PLK2: variants seen among roughly 807,000 people sequenced by gnomAD.
PLK2 encodes serine/threonine-protein kinase PLK2.
A neutral mutation model predicts 78.1 loss-of-function variants in PLK2; 25 were observed. That is an observed-to-expected ratio of 0.32 (90% CI 0.23 to 0.45). The LOEUF is 0.45. PLK2 is among the 20% of genes least tolerant of loss of function. The probability of loss-of-function intolerance (pLI) is 1.00; values close to 1 mark genes in which losing one functional copy is unlikely to be tolerated. For synonymous variants in PLK2, 332 were observed against 298.2 expected (o/e 1.11, Z -1.17); for missense variants, 566 against 840.2 (o/e 0.67, Z 4.04).
intron 12 of PLK2, 54 bp downstream of exon 12, chr5:58,455,231 A>C: frequency 6.3e-7 from 1 of 1,590,254 alleles, no homozygotes; most frequent in Non-Finnish European, 8.6e-7. Context: ...TGCAGACACT[A>C]CTGCTTTGTG....
Position 58,455,285 on chromosome 5 carries a change from A to C in PLK2, c.1755T>G (p.Asp585Glu), listed in dbSNP as rs1363364874. The part of the protein sequence containing the change: ...FSHYMEENLM[D>E]GGDLPSVTDI... Reference sequence around the variant, plus strand: ...ACCACTCTAAAGCCACAGTACTTACATCCATGAGGTTCTCCTCCATGTAAT... The same window carrying C: ...ACCACTCTAAAGCCACAGTACTTACCTCCATGAGGTTCTCCTCCATGTAAT... The change falls in exon 12 of 14, where the codon GAT (aspartate) becomes GAG (glutamate). Residue 585 changes from aspartate (D) to glutamate (E), a missense_variant and splice_region_variant. Around this residue, in one of 5 missense-constraint regions of PLK2, gnomAD observed 130 missense variants for 196.4 expected, o/e 0.66. Transcript: ENST00000274289. The C allele has an allele frequency of 1.2e-6, 2 of 1,613,872 alleles. No homozygotes were observed. Among genetic ancestry groups the C allele is most frequent in the Non-Finnish European group, 1.7e-6 (2 of 1,179,944 alleles).
At chr5:58,455,928 GTT>G (rs2111706978) in intron 10 of PLK2, 96 bp downstream of exon 10, 1 of 1,479,704 alleles carries the variant, frequency 6.8e-7, no homozygotes, top group South Asian at 1.3e-5. Flanking sequence ...CTACTTCTAT[GTT>G]AAATTAAGCT....
intron 3 of PLK2, 36 bp downstream of exon 3, chr5:58,458,689 G>A: frequency 7.8e-7 from 1 of 1,280,076 alleles, no homozygotes; most frequent in Non-Finnish European, 1.1e-6. Context: ...TTAATTCGGG[G>A]TAAGCAAATG....
At position 58,457,386 on chromosome 5, in the gene PLK2, G is replaced by A. The variant is rs766216327; in HGVS notation, c.810-7C>T. On this transcript the variant is annotated splice_region_variant and splice_polypyrimidine_tract_variant and intron_variant, in intron 6 of 13. Coordinates refer to ENST00000274289, the MANE Select transcript of PLK2 (RefSeq NM_006622.4). ...CCCTAGTAACATTGTATACCTGTGT[G>A]CAAAGAAACACATCTTTAGCAATGG... 2 of 1,603,630 alleles carry A rather than the reference G, an allele frequency of 1.2e-6. No individual in the cohort carries two copies. Among genetic ancestry groups the A allele is most frequent in the African/African-American group, 1.3e-5 (1 of 74,670 alleles).
Position 58,456,099 on chromosome 5 carries a change from G to A in PLK2, c.1311C>T (p.Asn437=). The A allele has an allele frequency of 6.2e-7, 1 of 1,613,958 alleles. No individual in the cohort carries two copies. The highest frequency in any genetic ancestry group is 2.2e-5 in the East Asian group (1 of 44,860). The part of the protein sequence containing the change: ...VARSGTPAVE[N]KQQIGDAIRM... The stretch of plus-strand genomic sequence containing the variant: ...GAATAGCATCCCCAATCTGCTGCTT[G>A]TTTTCTACTGCGGGTGTTCCAGACC... Residue 437 remains asparagine (N), a synonymous_variant, in exon 10 of 14, where the codon AAC becomes AAT. Transcript: ENST00000274289.
intron 10 of PLK2, 114 bp from the exon 11 acceptor site, chr5:58,455,893 T>C: frequency 6.7e-7 from 1 of 1,484,374 alleles, no homozygotes; most frequent in Admixed American, 1.9e-5. Flanking sequence ...GAACTCAAGA[T>C]TATTTTCCAA....
chr5:58,458,186 A>C lies in PLK2; in HGVS notation c.626-15T>G, dbSNP rs2111712459. On this transcript the variant is annotated splice_polypyrimidine_tract_variant and intron_variant, in intron 4 of 13. Transcript: ENST00000274289. Reference sequence around the variant, plus strand: ...AAAAAAGTTCCCTAGACGATAAACAAAACAAAATGTGAATCCCTTTGAAAA... The same window carrying C: ...AAAAAAGTTCCCTAGACGATAAACACAACAAAATGTGAATCCCTTTGAAAA... 2.6e-6 allele frequency: 4 copies of C among 1,550,596 alleles called. No individual in the cohort carries two copies. In the East Asian group the frequency reaches 9.0e-5, roughly 35 times the overall value.
In PLK2 at chr5:58,454,176, C is replaced by T. The variant is rs1021581181; in HGVS notation, c.*407G>A. 4.0e-4 allele frequency: 64 copies of T among 159,940 alleles called. No individual in the cohort carries two copies. Among genetic ancestry groups the T allele is most frequent in the East Asian group, 1.8e-4 (1 of 5,474 alleles). 9.9% of individuals were successfully genotyped at this position (159,940 alleles called of 1,614,324 possible). A position where few individuals can be genotyped will look rare whatever the true frequency, so the allele number is the denominator to read the frequency against. The stretch of plus-strand genomic sequence containing the variant: ...TATATATGGCCATAGTTCACAGTTA[C>T]GCAGCCAAAAGCTGCTCCAATTACA... On this transcript the variant is annotated 3_prime_UTR_variant, in exon 14 of 14. Coordinates refer to ENST00000274289, the MANE Select transcript of PLK2 (RefSeq NM_006622.4).
In PLK2 at chr5:58,457,785, G is replaced by A. The variant is rs1298309292; in HGVS notation, c.714-202C>T. On this transcript the variant is annotated intron_variant, in intron 5 of 13. Transcript: ENST00000274289. ...ATGAGTTTTGGTAATTTTTAAAAAT[G>A]CACACACGTTGTTTTAGCCCACATG... 8.4e-6 allele frequency: 5 copies of A among 592,682 alleles called. No individual in the cohort carries two copies. The East Asian group carries it at 1.1e-4, about 13-fold the overall frequency. 36.7% of individuals were successfully genotyped at this position (592,682 alleles called of 1,614,324 possible). A position where few individuals can be genotyped will look rare whatever the true frequency, so the allele number is the denominator to read the frequency against.
intron 9 of PLK2, 121 bp from the exon 10 acceptor site, chr5:58,456,276 C>CA (rs1743600943): frequency 2.1e-6 from 2 of 968,770 alleles, no homozygotes; most frequent in East Asian, 5.0e-5. Flanking sequence ...GCAATGGACA[C>CA]AAGCCAGATA....
At chr5:58,459,498 A>C (rs955677076) in intron 1 of PLK2, 192 bp downstream of exon 1, 1 of 592,828 alleles carries the variant, frequency 1.7e-6, no homozygotes. Flanking sequence ...TGAGGCTAAG[A>C]ATGCAAAGCC....
At position 58,457,203 on chromosome 5, in the gene PLK2, A is replaced by T; in HGVS notation, c.986T>A (p.Ile329Asn). Residue 329 changes from isoleucine (I) to asparagine (N), a missense_variant, in exon 7 of 14, where the codon ATT (isoleucine) becomes AAT (asparagine). Ile to Asn is a moderately radical substitution (Grantham distance 149). Transcript: ENST00000274289. ...PEDRPSLDDI[I>N]RHDFFLQGFT... ...AACCTGCAAAAAAAAGTCATGTCGAATGATGTCATCCAAACTGGGACGATC... is the reference window on the plus strand; with the variant it reads ...AACCTGCAAAAAAAAGTCATGTCGATTGATGTCATCCAAACTGGGACGATC... 5.0e-6 allele frequency: 8 copies of T among 1,614,216 alleles called. No homozygotes were observed. Among genetic ancestry groups the T allele is most frequent in the Non-Finnish European group, 6.8e-6 (8 of 1,180,046 alleles).
At chr5:58,455,910 T>C (rs1743588214) in intron 10 of PLK2, 116 bp downstream of exon 10, 2 of 1,469,840 alleles carry the variant, frequency 1.4e-6, no homozygotes, top group Admixed American at 3.8e-5. Flanking sequence ...CCAATTCCTG[T>C]AATCTTACTA....
chr5:58,458,685 C>T (rs1415452757), intron 3 of PLK2, 40 bp downstream of exon 3: 6 of 1,270,982 alleles, frequency 4.7e-6, no homozygotes, highest in Non-Finnish European at 5.7e-6. Flanking sequence ...CATGTTAATT[C>T]GGGGTAAGCA....
At chr5:58,457,651 T>C in intron 5 of PLK2, 68 bp from the exon 6 acceptor site, 1 of 867,904 alleles carries the variant, frequency 1.2e-6, no homozygotes, top group South Asian at 1.4e-5. Context: ...TCTCTTGACA[T>C]GACTTGATGG....
chr5:58,456,016 A>T lies in PLK2; in HGVS notation c.1384+10T>A, dbSNP rs1743591919. The T allele has an allele frequency of 6.2e-7, 1 of 1,605,972 alleles. No homozygotes were observed. The highest frequency in any genetic ancestry group is 1.7e-5 in the Admixed American group (1 of 57,710). ...TTTCATTATTTAAAATACGATTGAC[A>T]ACCACTTACATTCACTGCTGCTGCT... On this transcript the variant is annotated intron_variant, in intron 10 of 13. Coordinates refer to ENST00000274289, the MANE Select transcript of PLK2 (RefSeq NM_006622.4).
chr5:58,459,929 G>A lies in PLK2; in HGVS notation c.31C>T (p.Pro11Ser). The change falls in exon 1 of 14, where the codon CCA (proline) becomes TCA (serine). Residue 11 changes from proline to serine, a missense_variant. By Grantham distance (74) the Pro-to-Ser change is moderately conservative (BLOSUM62 -1). Around this residue, in one of 5 missense-constraint regions of PLK2, gnomAD observed 127 missense variants for 122.5 expected, o/e 1.04. Transcript: ENST00000274289. MELLRTITYQ[P>S]AASTKMCEQA... ...TCGCACATTTTGGTGCTGGCGGCTG[G>A]CTGGTAGGTGATAGTCCGCAAAAGC... is the stretch of plus-strand genomic sequence containing the variant. 6.2e-7 allele frequency: 1 copy of A among 1,610,810 alleles called. No individual in the cohort carries two copies. Among genetic ancestry groups the A allele is most frequent in the Non-Finnish European group, 8.5e-7 (1 of 1,179,248 alleles).
chr5:58,455,794 A>T lies in PLK2; in HGVS notation c.1385-15T>A, dbSNP rs1385313897. 6.2e-7 allele frequency: 1 copy of T among 1,611,218 alleles called. No homozygotes were observed. Among genetic ancestry groups the T allele is most frequent in the Non-Finnish European group, 8.5e-7 (1 of 1,179,834 alleles). On this transcript the variant is annotated splice_polypyrimidine_tract_variant and intron_variant, in intron 10 of 13. Coordinates refer to ENST00000274289, the MANE Select transcript of PLK2 (RefSeq NM_006622.4). ...GTCTTCAAGGCCTGAAAAGTCAGAC[A>T]GAAATGTTTCAAGTTATACAATATT...
At chr5:58,455,482 G>C in intron 11 of PLK2, 57 bp downstream of exon 11, 1 of 1,610,610 alleles carries the variant, frequency 6.2e-7, no homozygotes, top group Non-Finnish European at 8.5e-7. Flanking sequence ...ATTGTTTTTA[G>C]ATTTCTTTAG....
Sources: gnomAD v4.1 joint callset for allele counts on GRCh38, gnomAD v4.1.1 for gene constraint, gnomAD v4.1.1 regional missense constraint, MANE v1.5 for transcripts, NCBI Gene and HGNC (gene_info 2026-07-23, HGNC 2026-07-21) for gene names.